Variants in CEP95 observed in about 807,000 individuals in gnomAD.
The protein encoded by CEP95 is centrosomal protein 95.
A neutral mutation model predicts 111.2 loss-of-function variants in CEP95; 98 were observed. The observed-to-expected ratio is 0.88, with a 90% CI of 0.75 to 1.04. The LOEUF is 1.04. Ranked by LOEUF, CEP95 falls within the 50% of genes least tolerant of loss-of-function variation. The pLI is 0.00. For synonymous variants in CEP95, 323 were observed against 327.1 expected, an observed-to-expected ratio of 0.99 and a Z score of 0.14; for missense variants, 1,027 against 977.2, an observed-to-expected ratio of 1.05 and a Z score of -0.68.
In CEP95 at chr17:64,525,317, C is replaced by G. The variant is rs138668715; in HGVS notation, c.910-453C>G. On this transcript the variant is annotated intron_variant, in intron 8 of 19. Transcript: ENST00000556440. ...CTCCAGCCTAGGCAACAGAGGAAAA[C>G]TGTCTCAAAAAAAAAAGGAAATTTA... 9.2e-4 allele frequency among the ~76,000 whole-genome samples: 139 copies of G among 151,574 alleles called. 1 individual carries two copies. In the East Asian group the frequency reaches 0.021, roughly 23 times the overall value.
In CEP95 at chr17:64,508,589, C is replaced by A; in HGVS notation, c.20-3C>A. 7.2e-7 allele frequency: 1 copy of A among 1,383,104 alleles called. No individual in the cohort carries two copies. Among genetic ancestry groups the A allele is most frequent in the Non-Finnish European group, 9.5e-7 (1 of 1,055,982 alleles). The allele number at this position is 1,383,104 out of a possible 1,614,324, so 85.7% of individuals were successfully genotyped here. A position where few individuals can be genotyped will look rare whatever the true frequency, so the allele number is the denominator to read the frequency against. On this transcript the variant is annotated splice_polypyrimidine_tract_variant and splice_region_variant and intron_variant, in intron 1 of 19. Coordinates refer to ENST00000556440, the MANE Select transcript of CEP95 (RefSeq NM_138363.3). Reference sequence around the variant, plus strand: ...ACTGATCTTTCCCCCTTTTTCCCAACAGAGTGGGTAACCATTGCCAATAAC... The same window carrying A: ...ACTGATCTTTCCCCCTTTTTCCCAAAAGAGTGGGTAACCATTGCCAATAAC...
intron 2 of CEP95, among the ~76,000 whole-genome samples, chr17:64,509,915 A>C (rs1368329657): frequency 6.6e-6 from 1 of 151,996 alleles, no homozygotes; most frequent in African/African-American, 2.4e-5. Flanking sequence ...CTATATATAT[A>C]TATATGGTGT....
chr17:64,529,484 C>G, intron 12 of CEP95, 57 bp downstream of exon 12: 2 of 1,540,984 alleles, frequency 1.3e-6, no homozygotes, highest in Non-Finnish European at 1.8e-6. Context: ...TTCCCCTCAG[C>G]CAGATGCTAC....
Position 64,522,762 on chromosome 17 carries a change from C to T in CEP95, c.776C>T (p.Ala259Val). 2 of 1,613,882 alleles carry T rather than the reference C, an allele frequency of 1.2e-6. No homozygotes were observed. Among genetic ancestry groups the T allele is most frequent in the South Asian group, 1.1e-5 (1 of 91,082 alleles). The change falls in exon 8 of 20, where the codon GCA (alanine) becomes GTA (valine). Residue 259 changes from alanine to valine, a missense_variant. Ala to Val is a moderately conservative substitution (Grantham distance 64). Transcript: ENST00000556440. ...NARKLGEPIR[A>V]AIPLHPPYHP... ...AGGAAGCTAGGGGAGCCTATCCGAG[C>T]AGCTATTCCTTTACATCCACCCTAC...
chr17:64,532,648 C>T (rs1968359128), intron 14 of CEP95, 191 bp from the exon 15 acceptor site: 5 of 1,399,722 alleles, frequency 3.6e-6, no homozygotes, highest in African/African-American at 1.5e-5. Context: ...AACTATTGAG[C>T]TTATTTTTAT....
At chr17:64,527,894 A>AG (rs1967980209) in intron 11 of CEP95, among the ~76,000 whole-genome samples, 1 of 136,834 alleles carries the variant, frequency 7.3e-6, no homozygotes, top group East Asian at 2.0e-4. Flanking sequence ...ATATATATAC[A>AG]CACACACACA....
At chr17:64,522,090 A>G (rs1327585472) in intron 7 of CEP95, among the ~76,000 whole-genome samples, 1 of 152,010 alleles carries the variant, frequency 6.6e-6, no homozygotes, top group Non-Finnish European at 1.5e-5. Context: ...TGACCTCGTG[A>G]TCCGCCTGCC....
chr17:64,517,462 T>G (rs1332549062), intron 5 of CEP95, among the ~76,000 whole-genome samples: 3 of 152,220 alleles, frequency 2.0e-5, no homozygotes, highest in African/African-American at 7.2e-5. Context: ...AACATTTTGT[T>G]AAATTTTTTA....
intron 4 of CEP95, among the ~76,000 whole-genome samples, chr17:64,515,288 A>G (rs545235412): frequency 6.6e-6 from 1 of 152,324 alleles, no homozygotes; most frequent in South Asian, 2.1e-4. Context: ...TAAAGGGGGA[A>G]TTAGAACTAG....
At chr17:64,537,236 TACTCTCTA>T in intron 19 of CEP95, 124 bp downstream of exon 19, 1 of 1,466,416 alleles carries the variant, frequency 6.8e-7, no homozygotes, top group South Asian at 1.4e-5. Context: ...CAGTGGACTG[TACTCTCTA>T]GGTTTGTGTA....
intron 1 of CEP95, chr17:64,507,473 C>T (rs1300687950): frequency 7.9e-7 from 1 of 1,259,124 alleles, no homozygotes; most frequent in Non-Finnish European, 1.0e-6. Context: ...GCCCTGAGGT[C>T]GTACCTGCTT....
At position 64,522,783 on chromosome 17, in the gene CEP95, C is replaced by A. The variant is rs1555678200; in HGVS notation, c.797C>A (p.Pro266His). 3 of 1,613,816 alleles carry A rather than the reference C, an allele frequency of 1.9e-6. No individual in the cohort carries two copies. The African/African-American group carries it at 4.0e-5, about 22-fold the overall frequency. Residue 266 changes from proline to histidine, a missense_variant, in exon 8 of 20, where the codon CCC (proline) becomes CAC (histidine). By Grantham distance (77) the Pro-to-His change is moderately conservative. Transcript: ENST00000556440. Reference protein sequence around the residue: ...PIRAAIPLHPPYHPSEPRAPC... With the variant: ...PIRAAIPLHPHYHPSEPRAPC... ...CGAGCAGCTATTCCTTTACATCCACCCTACCACCCTTCAGAGCCTCGAGCA... is the reference window on the plus strand; with the variant it reads ...CGAGCAGCTATTCCTTTACATCCACACTACCACCCTTCAGAGCCTCGAGCA...
At position 64,537,601 on chromosome 17, in the gene CEP95, A is replaced by G. The variant is rs1209018470; in HGVS notation, c.2290-2A>G. 10 of 1,583,388 alleles carry G rather than the reference A, an allele frequency of 6.3e-6. No individual in the cohort carries two copies. Among genetic ancestry groups the G allele is most frequent in the Non-Finnish European group, 8.6e-6 (10 of 1,160,844 alleles). ...GCGGGATGACATGCCTTCTTTTTTC[A>G]GACATTACATAAGGTGAAGAGGGAG... On this transcript the variant is annotated splice_acceptor_variant, in intron 19 of 19. Transcript: ENST00000556440. LOFTEE classifies it high-confidence loss of function.
At chr17:64,508,057 C>G (rs973296060) in intron 1 of CEP95, 1 of 985,144 alleles carries the variant, frequency 1.0e-6, no homozygotes, top group African/African-American at 1.7e-5. Flanking sequence ...AATGCATTAC[C>G]GTTGATGTTG....
intron 16 of CEP95, 60 bp downstream of exon 16, chr17:64,533,251 C>T (rs1056246753): frequency 3.6e-6 from 5 of 1,378,866 alleles, no homozygotes; most frequent in African/African-American, 1.5e-5. Flanking sequence ...TTCCCTTTAT[C>T]TGTGCTAGCT....
Position 64,526,160 on chromosome 17 carries a change from T to C in CEP95, c.1112T>C (p.Val371Ala). ...TTAACAGAACAAGAATTACATGATG[T>C]ATCAGAAAAACTCTCTCAGCGGCTT... ...KRLTEQELHD[V>A]SEKLSQRLSE... The change falls in exon 10 of 20, where the codon GTA becomes GCA. Residue 371 changes from valine to alanine, a missense_variant. Coordinates refer to ENST00000556440, the MANE Select transcript of CEP95 (RefSeq NM_138363.3). The C allele has an allele frequency of 6.2e-7, 1 of 1,613,370 alleles. No individual in the cohort carries two copies. Among genetic ancestry groups the C allele is most frequent in the Non-Finnish European group, 8.5e-7 (1 of 1,179,694 alleles).
At chr17:64,507,721 G>T in intron 1 of CEP95, 1 of 985,908 alleles carries the variant, frequency 1.0e-6, no homozygotes, top group East Asian at 1.1e-4. Flanking sequence ...GTGAGAAATG[G>T]GCGTGGGGAG....
chr17:64,513,636 AAGGG>A (rs1555675649), intron 3 of CEP95, among the ~76,000 whole-genome samples: 1 of 152,162 alleles, frequency 6.6e-6, no homozygotes, highest in Non-Finnish European at 1.5e-5. Flanking sequence ...ATATTTCAGA[AAGGG>A]AGCCAGGGAA....
chr17:64,509,280 C>G (rs1248754543), intron 2 of CEP95, among the ~76,000 whole-genome samples: 1 of 152,176 alleles, frequency 6.6e-6, no homozygotes, highest in Non-Finnish European at 1.5e-5. Context: ...GTGATCCTCC[C>G]GTCTACCTCC....
Sources: allele counts gnomAD v4.1 joint callset (sites outside exome capture counted in the v4.1 genomes callset), GRCh38; gene constraint gnomAD v4.1.1; transcripts MANE v1.5; gene names NCBI Gene and HGNC (gene_info 2026-07-23, HGNC 2026-07-21).